The following AGBL4 variants were observed in gnomAD, a reference collection of about 807,000 sequenced individuals.
The protein encoded by AGBL4 is cytosolic carboxypeptidase 6.
Under a neutral mutation model 66.4 loss-of-function variants are expected in AGBL4, and 58 were observed. That is an observed-to-expected ratio of 0.87 (90% CI 0.71 to 1.09). AGBL4 has a LOEUF of 1.09. AGBL4 is among the 50% of genes least tolerant of loss of function. The pLI, the probability that AGBL4 is intolerant of heterozygous loss-of-function variation, is 0.00. For missense variants in AGBL4, 579 were observed against 631.0 expected (o/e 0.92, Z 0.88); for synonymous variants, 234 against 222.9 (o/e 1.05, Z -0.44).
At chr1:49,810,627 T>C (rs762429363) in intron 2 of AGBL4, among the ~76,000 whole-genome samples, 2 of 152,098 alleles carry the variant, frequency 1.3e-5, no homozygotes, top group African/African-American at 2.4e-5. Context: ...ATGTTTCATG[T>C]ATAGTGAATA....
chr1:49,562,383 C>G (rs988928518), intron 3 of AGBL4, among the ~76,000 whole-genome samples: 3 of 152,094 alleles, frequency 2.0e-5, no homozygotes, highest in African/African-American at 7.2e-5. Context: ...AGTCCTTGCC[C>G]ATGCCTATGT....
chr1:49,013,053 C>T (rs1197897303), intron 5 of AGBL4, among the ~76,000 whole-genome samples: 1 of 152,208 alleles, frequency 6.6e-6, no homozygotes, highest in East Asian at 1.9e-4. Context: ...TCACCAGAAG[C>T]TGAGCAGATG....
At chr1:49,319,551 A>T (rs933695836) in intron 3 of AGBL4, among the ~76,000 whole-genome samples, 11 of 152,152 alleles carry the variant, frequency 7.2e-5, no homozygotes, top group African/African-American at 2.7e-4. Context: ...AACTCCAGCT[A>T]TTATGTCCAT....
intron 4 of AGBL4, among the ~76,000 whole-genome samples, chr1:49,154,723 A>G (rs1278839908): frequency 6.6e-6 from 1 of 152,176 alleles, no homozygotes; most frequent in Non-Finnish European, 1.5e-5. Context: ...TCTTGGCTCC[A>G]TAAATAATTC....
intron 13 of AGBL4, 68 bp from the exon 14 acceptor site, chr1:48,534,361 G>A (rs1481875331): frequency 1.3e-6 from 2 of 1,485,870 alleles, no homozygotes; most frequent in East Asian, 2.5e-5. Context: ...AATCATTTGT[G>A]TGCATGTCTA....
rs1449162578 is a variant in AGBL4 at position 49,696,711 on chromosome 1, C to G, written c.282+602G>C. On this transcript the variant is annotated intron_variant, in intron 3 of 13. Transcript: ENST00000371839. ...AAAAACTGAAACACTTCTGGTCCCA[C>G]GCGTTTAAGATAAGCTATACTCAAC... Among the ~76,000 whole-genome samples the G allele has an allele frequency of 3.9e-5, 6 of 152,058 alleles. No homozygotes were observed. In the East Asian group the frequency reaches 1.2e-3, roughly 29 times the overall value.
At chr1:49,135,728 C>T (rs989712621) in intron 4 of AGBL4, among the ~76,000 whole-genome samples, 5 of 152,266 alleles carry the variant, frequency 3.3e-5, no homozygotes, top group Non-Finnish European at 5.9e-5. Flanking sequence ...AGTGGTTTTC[C>T]GCCCTGGGCG....
intron 3 of AGBL4, among the ~76,000 whole-genome samples, chr1:49,386,364 T>C (rs892087190): frequency 6.6e-6 from 1 of 151,680 alleles, no homozygotes; most frequent in Non-Finnish European, 1.5e-5. Context: ...ACCATTAAAA[T>C]TGTAATTGCA....
intron 8 of AGBL4, among the ~76,000 whole-genome samples, chr1:48,642,857 A>G (rs140519400): frequency 3.7e-3 from 569 of 152,292 alleles, no homozygotes; most frequent in African/African-American, 0.011. Context: ...GGGTGCTGGC[A>G]AGGCTCTCAC....
intron 9 of AGBL4, among the ~76,000 whole-genome samples, chr1:48,611,227 C>A (rs1645233964): frequency 6.6e-6 from 1 of 152,232 alleles, no homozygotes; most frequent in African/African-American, 2.4e-5. Flanking sequence ...AGGCCCACAC[C>A]TCTGTGCTTC....
At chr1:49,611,807 A>C (rs1197966276) in intron 3 of AGBL4, among the ~76,000 whole-genome samples, 1 of 152,212 alleles carries the variant, frequency 6.6e-6, no homozygotes, top group African/African-American at 2.4e-5. Flanking sequence ...TAGGAAGAAA[A>C]TACATTGTTC....
intron 3 of AGBL4, among the ~76,000 whole-genome samples, chr1:49,578,018 C>T (rs1243905944): frequency 2.0e-5 from 3 of 152,146 alleles, no homozygotes; most frequent in Non-Finnish European, 2.9e-5. Context: ...TTTCTGTTCC[C>T]GTGACCTTAT....
At chr1:49,831,298 T>C (rs903137356) in intron 2 of AGBL4, among the ~76,000 whole-genome samples, 2 of 152,180 alleles carry the variant, frequency 1.3e-5, no homozygotes, top group Admixed American at 6.5e-5. Context: ...CAGTGGTTTG[T>C]AGTTCTCCTT....
chr1:49,625,893 C>T (rs971125398), intron 3 of AGBL4, among the ~76,000 whole-genome samples: 4 of 152,220 alleles, frequency 2.6e-5, no homozygotes, highest in African/African-American at 9.6e-5. Context: ...TTATAAGAAA[C>T]AGTGCCTGAG....
At chr1:49,286,207 T>G (rs921124588) in intron 3 of AGBL4, among the ~76,000 whole-genome samples, 4 of 152,188 alleles carry the variant, frequency 2.6e-5, no homozygotes, top group African/African-American at 9.7e-5. Flanking sequence ...TGATGGGACA[T>G]ATCTTAAAAT....
At chr1:49,257,801 G>C (rs1433629255) in intron 3 of AGBL4, among the ~76,000 whole-genome samples, 2 of 151,946 alleles carry the variant, frequency 1.3e-5, no homozygotes, top group Admixed American at 6.6e-5. Flanking sequence ...GTTCCTATTC[G>C]GCCATCTTGG....
intron 6 of AGBL4, among the ~76,000 whole-genome samples, chr1:48,713,023 T>G (rs1051955899): frequency 1.3e-5 from 2 of 152,210 alleles, no homozygotes; most frequent in Non-Finnish European, 2.9e-5. Flanking sequence ...AGACAGCAGC[T>G]GAGCATCCAC....
At chr1:48,772,714 G>A (rs1426881300) in intron 6 of AGBL4, among the ~76,000 whole-genome samples, 8 of 152,142 alleles carry the variant, frequency 5.3e-5, no homozygotes, top group Admixed American at 5.2e-4. Context: ...AAAAGCAATT[G>A]GGAAAATAGA....
chr1:48,684,864 AC>A (rs1646507647), intron 6 of AGBL4, among the ~76,000 whole-genome samples: 1 of 152,236 alleles, frequency 6.6e-6, no homozygotes, highest in Admixed American at 6.5e-5. Flanking sequence ...TAGACTTCCT[AC>A]AAAATGTTCT....
Sources: allele counts gnomAD v4.1 joint callset (sites outside exome capture counted in the v4.1 genomes callset), GRCh38; gene constraint gnomAD v4.1.1; transcripts MANE v1.5; gene names NCBI Gene and HGNC (gene_info 2026-07-23, HGNC 2026-07-21).